The following KLRC1 variants were observed in gnomAD, a reference collection of about 807,000 sequenced individuals.
KLRC1 encodes NKG2-A/NKG2-B type II integral membrane protein.
A neutral mutation model predicts 25.9 loss-of-function variants in KLRC1; 22 were observed. That is an observed-to-expected ratio of 0.85 (90% CI 0.61 to 1.21). The LOEUF (loss-of-function observed/expected upper bound fraction) is 1.21. KLRC1 is among the 50% of genes most tolerant of loss of function. The probability of loss-of-function intolerance (pLI) is 0.00; values close to 1 mark genes in which losing one functional copy is unlikely to be tolerated. For missense variants in KLRC1, 240 were observed against 272.2 expected, an observed-to-expected ratio of 0.88 and a Z score of 0.83; for synonymous variants, 77 against 93.1, an observed-to-expected ratio of 0.83 and a Z score of 0.99.
chr12:10,453,392 TC>T, upstream of KLRC1: 1 of 984,724 alleles, frequency 1.0e-6, no homozygotes, highest in Non-Finnish European at 1.2e-6. Flanking sequence ...AGTAGATTTC[TC>T]ATCAACGTGT....
downstream of KLRC1, among the ~76,000 whole-genome samples, chr12:10,444,869 G>A (rs1265052142): frequency 6.6e-6 from 1 of 151,084 alleles, no homozygotes; most frequent in Non-Finnish European, 1.5e-5. Context: ...TTGTGAACGT[G>A]GATGAAGAAA....
In KLRC1 at chr12:10,446,514, AT is replaced by A. The variant is rs1300509113; in HGVS notation, c.*36del. 6.4e-7 allele frequency: 1 copy of A among 1,570,062 alleles called. No homozygotes were observed. Among genetic ancestry groups the A allele is most frequent in the East Asian group, 2.2e-5 (1 of 44,464 alleles). ...ATATTTCTATTTTAAGAAATATACA[AT>A]TTATCTGATGCACTGCAAATGCAAA... is the stretch of plus-strand genomic sequence containing the variant. On this transcript the variant is annotated 3_prime_UTR_variant, in exon 7 of 7. Transcript: ENST00000359151.
chr12:10,445,095 T>G (rs1213436255), downstream of KLRC1, among the ~76,000 whole-genome samples: 1 of 151,784 alleles, frequency 6.6e-6, no homozygotes, highest in Admixed American at 6.6e-5. Flanking sequence ...AGTTTTTGTA[T>G]TTTTAGTACA....
intron 1 of KLRC1, among the ~76,000 whole-genome samples, chr12:10,451,983 T>G (rs1864135833): frequency 6.6e-6 from 1 of 151,802 alleles, no homozygotes; most frequent in Non-Finnish European, 1.5e-5. Flanking sequence ...TAGAGGTAAT[T>G]AAATGGTCTT....
At position 10,449,983 on chromosome 12, in the gene KLRC1, T is replaced by C. The variant is rs1864087860; in HGVS notation, c.284-16A>G. 6.9e-7 allele frequency: 1 copy of C among 1,444,052 alleles called. No individual in the cohort carries two copies. Among genetic ancestry groups the C allele is most frequent in the African/African-American group, 1.5e-5 (1 of 66,858 alleles). The allele number at this position is 1,444,052 out of a possible 1,614,324, so 89.5% of individuals were successfully genotyped here. A position where few individuals can be genotyped will look rare whatever the true frequency, so the allele number is the denominator to read the frequency against. The stretch of plus-strand genomic sequence containing the variant: ...ATTAATGTAGCTAGAAAAATTAAAG[T>C]AATCTTTGTAAAAAAATTAGCATCT... On this transcript the variant is annotated splice_polypyrimidine_tract_variant and intron_variant, in intron 3 of 6. Coordinates refer to ENST00000359151, the MANE Select transcript of KLRC1 (RefSeq NM_002259.5).
At chr12:10,452,367 A>G (rs993708955) in intron 1 of KLRC1, among the ~76,000 whole-genome samples, 1 of 152,192 alleles carries the variant, frequency 6.6e-6, no homozygotes, top group African/African-American at 2.4e-5. Context: ...CATTTAGTCA[A>G]TGGGCTCTGG....
intron 1 of KLRC1, 135 bp downstream of exon 1, chr12:10,453,063 T>C (rs1864156341): frequency 4.2e-6 from 1 of 237,522 alleles, no homozygotes; most frequent in Non-Finnish European, 6.8e-6. Context: ...CCCTGAGTTA[T>C]TCAAATGAAG....
chr12:10,450,500 C>CGTTACCACAG lies in KLRC1; in HGVS notation c.257_266dup (p.Ile90CysfsTer35). On this transcript the variant is annotated frameshift_variant, in exon 3 of 7. Coordinates refer to ENST00000359151, the MANE Select transcript of KLRC1 (RefSeq NM_002259.5). LOFTEE classifies it high-confidence loss of function. ...TAGACTTACAGGGAATAACAACTATCGTTACCACAGAGGCCATTAAGATAA... is the reference window on the plus strand; with the variant it reads ...TAGACTTACAGGGAATAACAACTATCGTTACCACAGGTTACCACAGAGGCCATTAAGATAA... The CGTTACCACAG allele has an allele frequency of 6.3e-7, 1 of 1,598,674 alleles. No homozygotes were observed. The highest frequency in any genetic ancestry group is 8.6e-7 in the Non-Finnish European group (1 of 1,166,538).
Position 10,446,599 on chromosome 12 carries a change from T to C in KLRC1, c.654A>G (p.Ser218=), listed in dbSNP as rs752401508. The change falls in exon 7 of 7, where the codon TCA becomes TCG. Residue 218 remains serine (S), a synonymous_variant. Transcript: ENST00000359151. ...ATATTATTGAAGATCCACACTGGGCTGATTTAAGTCGATTTACTTGTAGCA... is the reference window on the plus strand; with the variant it reads ...ATATTATTGAAGATCCACACTGGGCCGATTTAAGTCGATTTACTTGTAGCA... ...CAVLQVNRLK[S]AQCGSSIIYH... The C allele has an allele frequency of 3.7e-6, 6 of 1,614,014 alleles. No individual in the cohort carries two copies. Among genetic ancestry groups the C allele is most frequent in the Middle Eastern group, 1.7e-4 (1 of 6,058 alleles).
intron 1 of KLRC1, among the ~76,000 whole-genome samples, chr12:10,451,655 CAA>C (rs5796395): frequency 6.8e-6 from 1 of 147,666 alleles, no homozygotes. Flanking sequence ...GACTCCGACT[CAA>C]AAAAAAAAGA....
intron 3 of KLRC1, 60 bp downstream of exon 3, chr12:10,450,424 A>G: frequency 1.1e-6 from 1 of 887,434 alleles, no homozygotes; most frequent in Non-Finnish European, 1.9e-6. Flanking sequence ...TGAAATGTTT[A>G]GAGGCACATT....
In KLRC1 at chr12:10,446,299, T is replaced by C. The variant is rs1288115480; in HGVS notation, c.*252A>G. 1 of 949,234 alleles carries C rather than the reference T, an allele frequency of 1.1e-6. No individual in the cohort carries two copies. Among genetic ancestry groups the C allele is most frequent in the Non-Finnish European group, 1.4e-6 (1 of 727,600 alleles). The allele number at this position is 949,234 out of a possible 1,614,324, so 58.8% of individuals were successfully genotyped here. A position where few individuals can be genotyped will look rare whatever the true frequency, so the allele number is the denominator to read the frequency against. ...ACTGTTCTTGGTACTTCCTATAAGC[T>C]GACTCACATAACATGCAACTTTTAG... On this transcript the variant is annotated 3_prime_UTR_variant, in exon 7 of 7. Coordinates refer to ENST00000359151, the MANE Select transcript of KLRC1 (RefSeq NM_002259.5).
chr12:10,452,815 T>A (rs1266384435), intron 1 of KLRC1, among the ~76,000 whole-genome samples: 3 of 152,204 alleles, frequency 2.0e-5, no homozygotes, highest in Non-Finnish European at 4.4e-5. Context: ...GGAATTGTAT[T>A]TGGCTTTCAT....
downstream of KLRC1, among the ~76,000 whole-genome samples, chr12:10,445,630 A>C (rs1475693966): frequency 6.6e-6 from 1 of 152,204 alleles, no homozygotes; most frequent in Admixed American, 6.5e-5. Flanking sequence ...AAAAAAATAA[A>C]AGTGTGATCA....
intron 5 of KLRC1, among the ~76,000 whole-genome samples, chr12:10,448,524 G>A (rs969313797): frequency 1.3e-5 from 2 of 152,182 alleles, no homozygotes; most frequent in Non-Finnish European, 2.9e-5. Context: ...ATGTGGGTGA[G>A]GAGGATCAGC....
At chr12:10,448,963 A>T (rs1344861681) in intron 5 of KLRC1, among the ~76,000 whole-genome samples, 2 of 152,232 alleles carry the variant, frequency 1.3e-5, no homozygotes, top group African/African-American at 4.8e-5. Context: ...ACCAGATCAC[A>T]TCATGCCCGA....
intron 1 of KLRC1, 99 bp downstream of exon 1, chr12:10,453,099 T>C (rs1446869883): frequency 2.6e-6 from 1 of 389,904 alleles, no homozygotes; most frequent in Non-Finnish European, 3.5e-6. Context: ...TTTGATTTTA[T>C]TGTATATTAA....
chr12:10,443,805 A>G (rs1863941262), downstream of KLRC1, among the ~76,000 whole-genome samples: 1 of 140,480 alleles, frequency 7.1e-6, no homozygotes, highest in South Asian at 2.2e-4. Flanking sequence ...AAGCTTGGCC[A>G]GTGGATAGTT....
intron 5 of KLRC1, among the ~76,000 whole-genome samples, chr12:10,448,352 A>C (rs1397963266): frequency 6.6e-6 from 1 of 152,202 alleles, no homozygotes; most frequent in Non-Finnish European, 1.5e-5. Context: ...TGGCAATAGG[A>C]GGAGGCCCAG....
Sources: gnomAD v4.1 joint callset for allele counts (sites outside exome capture counted in the v4.1 genomes callset) on GRCh38, gnomAD v4.1.1 for gene constraint, MANE v1.5 for transcripts, NCBI Gene and HGNC (gene_info 2026-07-23, HGNC 2026-07-21) for gene names.